CCDC174: variants seen among roughly 807,000 people sequenced by gnomAD.
CCDC174 encodes coiled-coil domain-containing protein 174.
CCDC174 carries 37 observed loss-of-function variants against 57.1 expected under a neutral mutation model. The observed-to-expected ratio is 0.65, with a 90% CI of 0.50 to 0.85. The LOEUF (loss-of-function observed/expected upper bound fraction) is 0.85. Among genes scored for constraint, CCDC174 ranks in the 40% least tolerant of loss-of-function variants. CCDC174 has a pLI of 0.00. For synonymous variants in CCDC174, 182 were observed against 190.2 expected (o/e 0.96, Z 0.35); for missense variants, 540 against 574.3 (o/e 0.94, Z 0.61).
intron 1 of CCDC174, among the ~76,000 whole-genome samples, chr3:14,652,898 G>C (rs1045704478): frequency 8.4e-6 from 1 of 118,884 alleles, no homozygotes; most frequent in Admixed American, 1.1e-4. Flanking sequence ...GCGAAACTCC[G>C]TCTAAGGGGC....
At chr3:14,667,896 A>G (rs1272676185) in intron 8 of CCDC174, 153 bp from the exon 9 acceptor site, 4 of 680,186 alleles carry the variant, frequency 5.9e-6, no homozygotes, top group South Asian at 2.0e-5. Context: ...AGAGTACTTC[A>G]TAGGGCTTCA....
chr3:14,664,909 T>C (rs922718010), intron 5 of CCDC174, 119 bp from the exon 6 acceptor site: 3 of 726,962 alleles, frequency 4.1e-6, no homozygotes, highest in Admixed American at 2.1e-5. Flanking sequence ...GTCTCTGAGG[T>C]TGGGGGCTCT....
At chr3:14,661,421 T>G in intron 4 of CCDC174, 109 bp from the exon 5 acceptor site, 10 of 833,006 alleles carry the variant, frequency 1.2e-5, no homozygotes, top group African/African-American at 3.4e-5. Context: ...CATTGGCTGA[T>G]GAGCTGTCAG....
chr3:14,654,440 G>A lies in CCDC174; in HGVS notation c.57G>A (p.Lys19=). 6.3e-7 allele frequency: 1 copy of A among 1,599,856 alleles called. No homozygotes were observed. Among genetic ancestry groups the A allele is most frequent in the Non-Finnish European group, 8.5e-7 (1 of 1,171,230 alleles). ...DVTASSLVDL[K]AELFRKQEEF... is the part of the protein sequence containing the mutation. ...TTTCATTCTAGTTGGTAGATCTTAA[G>A]GCTGAACTCTTCCGAAAGCAAGAAG... is the stretch of plus-strand genomic sequence containing the variant. The change falls in exon 2 of 11, where the codon AAG becomes AAA. Residue 19 remains lysine, a synonymous_variant. Coordinates refer to ENST00000383794, the MANE Select transcript of CCDC174 (RefSeq NM_016474.5).
rs1468328264 is a variant in CCDC174, at chr3:14,665,080, T to C, written c.538T>C (p.Leu180=). 1 of 1,614,128 alleles carries C rather than the reference T, an allele frequency of 6.2e-7. No homozygotes were observed. The highest frequency in any genetic ancestry group is 1.7e-5 in the Admixed American group (1 of 60,018). The stretch of plus-strand genomic sequence containing the variant: ...TTCCCGGCGCTGTATGAGAAAGGAT[T>C]TGCCAGATCTGCTGGAGATGGATAA... ...GRSRRCMRKD[L]PDLLEMDKNL... is the part of the protein sequence containing the mutation. Residue 180 remains leucine (L), a synonymous_variant, in exon 6 of 11, where the codon TTG becomes CTG. Coordinates refer to ENST00000383794, the MANE Select transcript of CCDC174 (RefSeq NM_016474.5).
intron 4 of CCDC174, among the ~76,000 whole-genome samples, chr3:14,660,485 C>T (rs989860697): frequency 1.3e-5 from 2 of 151,822 alleles, no homozygotes; most frequent in African/African-American, 2.4e-5. Context: ...GCCTGGGCGA[C>T]GGAGTGAGAT....
intron 1 of CCDC174, 111 bp from the exon 2 acceptor site, chr3:14,654,315 A>G: frequency 4.5e-6 from 3 of 664,796 alleles, no homozygotes; most frequent in South Asian, 1.8e-5. Flanking sequence ...TTTTAGCCAT[A>G]TTTGTCCATT....
intron 3 of CCDC174, among the ~76,000 whole-genome samples, chr3:14,656,620 C>G (rs2030969303): frequency 6.6e-6 from 1 of 152,156 alleles, no homozygotes; most frequent in African/African-American, 2.4e-5. Flanking sequence ...GGTGCCTCCC[C>G]AATTTGTAAT....
rs755998134 is a variant in CCDC174 at position 14,669,974 on chromosome 3, T to C, written c.993T>C (p.Ala331=). ...GGCCTTTGCCACCGGAGCCAGAGGCTGTGCCAACCCCACGTCCTGCTGCCC... is the reference window on the plus strand; with the variant it reads ...GGCCTTTGCCACCGGAGCCAGAGGCCGTGCCAACCCCACGTCCTGCTGCCC... ...VIGPLPPEPE[A]VPTPRPAAQS... is the part of the protein sequence containing the mutation. The change falls in exon 10 of 11, where the codon GCT becomes GCC. Residue 331 remains alanine, a synonymous_variant. Coordinates refer to ENST00000383794, the MANE Select transcript of CCDC174 (RefSeq NM_016474.5). 1 of 1,614,050 alleles carries C rather than the reference T, an allele frequency of 6.2e-7. No homozygotes were observed. The highest frequency in any genetic ancestry group is 2.2e-5 in the East Asian group (1 of 44,886).
chr3:14,672,044 T>TGAGG lies in CCDC174; in HGVS notation c.*851_*852insAGGG, dbSNP rs200492440. The TGAGG allele has an allele frequency of 1.4e-5, 2 of 145,164 alleles. No individual in the cohort carries two copies. The highest frequency in any genetic ancestry group is 3.1e-5 in the Non-Finnish European group (2 of 63,588). The allele number at this position is 145,164 out of a possible 1,614,324, so 9.0% of individuals were successfully genotyped here. ...GTGTCATTAGTAATAAGGAGAGGGT[T>TGAGG]GGGGGTGGGCAGGGCTCCAGAAAGT... On this transcript the variant is annotated 3_prime_UTR_variant, in exon 11 of 11. Coordinates refer to ENST00000383794, the MANE Select transcript of CCDC174 (RefSeq NM_016474.5).
chr3:14,656,613 G>A (rs751628071), intron 3 of CCDC174, among the ~76,000 whole-genome samples: 60 of 152,266 alleles, frequency 3.9e-4, no homozygotes, highest in Non-Finnish European at 7.4e-4. Context: ...CTGTAAAGGT[G>A]CCTCCCCAAT....
intron 9 of CCDC174, among the ~76,000 whole-genome samples, chr3:14,669,266 G>T (rs1056288295): frequency 6.6e-6 from 1 of 152,146 alleles, no homozygotes; most frequent in Non-Finnish European, 1.5e-5. Context: ...ATTTCCTAAT[G>T]TCTGAACAAA....
At chr3:14,666,999 A>G (rs2031366437) in intron 7 of CCDC174, 52 bp downstream of exon 7, 1 of 1,452,492 alleles carries the variant, frequency 6.9e-7, no homozygotes, top group South Asian at 1.3e-5. Flanking sequence ...CCTTAAACTG[A>G]TGGCAAACAT....
At chr3:14,664,134 C>T (rs1188954213) in intron 5 of CCDC174, among the ~76,000 whole-genome samples, 1 of 152,120 alleles carries the variant, frequency 6.6e-6, no homozygotes. Flanking sequence ...CTAGAGTAAA[C>T]ACTCAGTTTT....
intron 4 of CCDC174, 106 bp downstream of exon 4, chr3:14,659,035 G>A (rs528369995): frequency 2.1e-5 from 23 of 1,119,524 alleles, no homozygotes; most frequent in Admixed American, 1.9e-4. Context: ...AAATTTAGAC[G>A]TCAAAATTTT....
chr3:14,658,017 CT>C (rs2031018176), intron 3 of CCDC174, among the ~76,000 whole-genome samples: 1 of 152,228 alleles, frequency 6.6e-6, no homozygotes, highest in Non-Finnish European at 1.5e-5. Context: ...AAATAGGGGT[CT>C]TAGAAGCCTG....
At chr3:14,670,588 T>G (rs2031477124) in intron 10 of CCDC174, among the ~76,000 whole-genome samples, 1 of 152,212 alleles carries the variant, frequency 6.6e-6, no homozygotes, top group Non-Finnish European at 1.5e-5. Context: ...CAAAACTCAA[T>G]AACGGACAAA....
intron 6 of CCDC174, among the ~76,000 whole-genome samples, chr3:14,666,426 C>T (rs1224295863): frequency 2.6e-5 from 4 of 152,104 alleles, no homozygotes; most frequent in Non-Finnish European, 5.9e-5. Context: ...AGTTCAAAAC[C>T]AGCCTAGCCA....
chr3:14,668,202 T>A, intron 9 of CCDC174, 21 bp downstream of exon 9: 8 of 1,575,182 alleles, frequency 5.1e-6, no homozygotes, highest in Non-Finnish European at 6.9e-6. Flanking sequence ...GCTATGTTGC[T>A]GAACTTCAAA....
Sources: allele counts gnomAD v4.1 joint callset (sites outside exome capture counted in the v4.1 genomes callset), GRCh38; gene constraint gnomAD v4.1.1; transcripts MANE v1.5; gene names NCBI Gene and HGNC (gene_info 2026-07-23, HGNC 2026-07-21).